Variants in PLXNC1 observed in about 807,000 individuals in gnomAD.
PLXNC1 encodes plexin-C1.
In PLXNC1, 75 loss-of-function variants were observed where a neutral mutation model predicts 178.2. The ratio of observed to expected loss-of-function variants is 0.42; its 90% CI spans 0.35 to 0.51. The LOEUF (loss-of-function observed/expected upper bound fraction) is 0.51. PLXNC1 is among the 20% of genes least tolerant of loss of function. The pLI is 0.02. For synonymous variants in PLXNC1, 790 were observed against 779.9 expected (o/e 1.01, Z -0.22); for missense variants, 1,503 against 1,984.4 (o/e 0.76, Z 4.61).
chr12:94,239,023 C>T (rs1475338182), intron 10 of PLXNC1, among the ~76,000 whole-genome samples: 1 of 152,192 alleles, frequency 6.6e-6, no homozygotes, highest in African/African-American at 2.4e-5. Context: ...GAAAGGCAAT[C>T]AACTTCATGG....
chr12:94,266,814 G>C (rs1965269933), intron 21 of PLXNC1, among the ~76,000 whole-genome samples: 1 of 152,254 alleles, frequency 6.6e-6, no homozygotes, highest in Non-Finnish European at 1.5e-5. Flanking sequence ...TGCCAGGCAT[G>C]TGAGTGCTAC....
intron 10 of PLXNC1, among the ~76,000 whole-genome samples, chr12:94,239,138 A>G (rs1156307129): frequency 6.6e-6 from 1 of 152,228 alleles, no homozygotes; most frequent in Non-Finnish European, 1.5e-5. Context: ...TTAAATGACT[A>G]GGAGACCTTT....
In PLXNC1 at chr12:94,149,269, C is replaced by G; in HGVS notation, c.298C>G (p.Arg100Gly). 1 of 1,528,988 alleles carries G rather than the reference C, an allele frequency of 6.5e-7. No homozygotes were observed. The highest frequency in any genetic ancestry group is 8.7e-7 in the Non-Finnish European group (1 of 1,147,216). The allele number at this position is 1,528,988 out of a possible 1,614,324, so 94.7% of individuals were successfully genotyped here. Residue 100 changes from arginine to glycine, a missense_variant, in exon 1 of 31, where the codon CGG (arginine) becomes GGG (glycine). By Grantham distance (125) the Arg-to-Gly change is moderately radical. Around this residue, in one of 4 missense-constraint regions of PLXNC1, gnomAD observed 176 missense variants for 180.7 expected, o/e 0.97. Transcript: ENST00000258526. ...PVSLAPPARPRPGSSFSKLLL... is the reference protein window; with the variant it reads ...PVSLAPPARPGPGSSFSKLLL... ...CTCGCTGGCGCCCCCCGCGCGGCCC[C>G]GGCCCGGGAGCAGCTTCAGCAAGCT... is the stretch of plus-strand genomic sequence containing the variant.
intron 11 of PLXNC1, among the ~76,000 whole-genome samples, chr12:94,241,437 C>T (rs1397714472): frequency 6.6e-6 from 1 of 152,158 alleles, no homozygotes; most frequent in Non-Finnish European, 1.5e-5. Context: ...TACTATGCTA[C>T]TGAACACTAG....
intron 20 of PLXNC1, among the ~76,000 whole-genome samples, chr12:94,264,393 C>T (rs988322394): frequency 3.3e-5 from 5 of 152,138 alleles, no homozygotes; most frequent in African/African-American, 4.8e-5. Context: ...GGAGAAAAAC[C>T]TTAGAGGAAA....
chr12:94,201,795 G>T, intron 4 of PLXNC1, among the ~76,000 whole-genome samples: 1 of 104,832 alleles, frequency 9.5e-6, no homozygotes, highest in Admixed American at 1.5e-4. Context: ...TTGAGACAGA[G>T]TCTTGCTCTG....
At chr12:94,258,029 A>C (rs1964902582) in intron 17 of PLXNC1, among the ~76,000 whole-genome samples, 1 of 152,096 alleles carries the variant, frequency 6.6e-6, no homozygotes, top group South Asian at 2.1e-4. Context: ...GTCTCAAAAA[A>C]AAATAAAGAA....
chr12:94,298,109 C>T (rs1246488247), intron 26 of PLXNC1, among the ~76,000 whole-genome samples: 3 of 152,196 alleles, frequency 2.0e-5, no homozygotes, highest in East Asian at 3.8e-4. Context: ...GTTTAGTGGG[C>T]AGAGGACAGC....
In PLXNC1 at chr12:94,231,550, G is replaced by T. The variant is rs538711179; in HGVS notation, c.1980+4315G>T. Among the ~76,000 whole-genome samples the T allele has an allele frequency of 2.6e-5, 4 of 152,208 alleles. No homozygotes were observed. In the South Asian group the frequency reaches 8.3e-4, roughly 32 times the overall value. On this transcript the variant is annotated intron_variant, in intron 9 of 30. Coordinates refer to ENST00000258526, the MANE Select transcript of PLXNC1 (RefSeq NM_005761.3). ...CTGGTACTTATGAGGTAGGGTCCTGGTTCAGTCCCTACTAGGCCAGTAGCC... is the reference window on the plus strand; with the variant it reads ...CTGGTACTTATGAGGTAGGGTCCTGTTTCAGTCCCTACTAGGCCAGTAGCC...
chr12:94,278,326 T>C (rs1463229470), intron 21 of PLXNC1, among the ~76,000 whole-genome samples: 1 of 152,262 alleles, frequency 6.6e-6, no homozygotes, highest in African/African-American at 2.4e-5. Context: ...TACTCTTGGC[T>C]CTTCCCTGAA....
At chr12:94,296,888 TAGG>T (rs1487941695) in intron 24 of PLXNC1, among the ~76,000 whole-genome samples, 2 of 152,110 alleles carry the variant, frequency 1.3e-5, no homozygotes, top group African/African-American at 4.8e-5. Context: ...CCCTGGCACA[TAGG>T]AGGTGTTCTA....
intron 23 of PLXNC1, 26 bp from the exon 24 acceptor site, chr12:94,294,460 C>T (rs1408888559): frequency 9.3e-7 from 1 of 1,074,188 alleles, no homozygotes; most frequent in Non-Finnish European, 1.4e-6. Flanking sequence ...TTTGAACACT[C>T]ATATATCTTT....
intron 9 of PLXNC1, among the ~76,000 whole-genome samples, chr12:94,232,364 C>CA: frequency 6.6e-6 from 1 of 152,216 alleles, no homozygotes; most frequent in Non-Finnish European, 1.5e-5. Context: ...GCTGGGATTA[C>CA]AGGCATGAGC....
intron 28 of PLXNC1, among the ~76,000 whole-genome samples, chr12:94,303,048 T>C (rs1215612660): frequency 6.6e-6 from 1 of 152,234 alleles, no homozygotes; most frequent in Admixed American, 6.5e-5. Flanking sequence ...TTAACTTACC[T>C]ATCTTCCCTG....
At position 94,294,080 on chromosome 12, in the gene PLXNC1, A is replaced by G. The variant is rs187634366; in HGVS notation, c.3880-406A>G. 4.3e-3 allele frequency among the ~76,000 whole-genome samples: 654 copies of G among 152,310 alleles called. 1 individual carries two copies. The highest frequency in any genetic ancestry group is 7.6e-3 in the Non-Finnish European group (514 of 68,018). On this transcript the variant is annotated intron_variant, in intron 23 of 30. Coordinates refer to ENST00000258526, the MANE Select transcript of PLXNC1 (RefSeq NM_005761.3). The stretch of plus-strand genomic sequence containing the variant: ...CACAAACATTCAGTCCATAGCAAGT[A>G]ACAATTTTTTAACCTCAAAAAATGA...
intron 20 of PLXNC1, among the ~76,000 whole-genome samples, chr12:94,263,006 G>C (rs934641981): frequency 5.9e-5 from 9 of 152,156 alleles, no homozygotes; most frequent in African/African-American, 2.2e-4. Context: ...AGAGCTCTTA[G>C]CCACCGCCCT....
At chr12:94,283,950 G>A (rs1284275069) in intron 23 of PLXNC1, among the ~76,000 whole-genome samples, 4 of 152,108 alleles carry the variant, frequency 2.6e-5, no homozygotes, top group African/African-American at 9.7e-5. Context: ...GGGCATGGTG[G>A]TGCACATCTG....
intron 21 of PLXNC1, among the ~76,000 whole-genome samples, chr12:94,267,684 C>T (rs574921055): frequency 8.5e-5 from 13 of 152,110 alleles, no homozygotes; most frequent in Non-Finnish European, 1.3e-4. Flanking sequence ...GGCAGTTGTA[C>T]GAGAAGCTGC....
chr12:94,234,783 A>G lies in PLXNC1; in HGVS notation c.1981-2881A>G, dbSNP rs372403321. Among the ~76,000 whole-genome samples, 3 of 152,234 alleles carry G rather than the reference A, an allele frequency of 2.0e-5. No individual in the cohort carries two copies. The East Asian group carries it at 5.8e-4, about 29-fold the overall frequency. On this transcript the variant is annotated intron_variant, in intron 9 of 30. Coordinates refer to ENST00000258526, the MANE Select transcript of PLXNC1 (RefSeq NM_005761.3). Reference sequence around the variant, plus strand: ...ATAAGCTTATAGGGCTGGCTACTATATGCCAGGTTTTATGAATTAACTCTT... The same window carrying G: ...ATAAGCTTATAGGGCTGGCTACTATGTGCCAGGTTTTATGAATTAACTCTT...
Sources: gnomAD v4.1 joint callset for allele counts (sites outside exome capture counted in the v4.1 genomes callset) on GRCh38, gnomAD v4.1.1 for gene constraint, gnomAD v4.1.1 regional missense constraint, MANE v1.5 for transcripts, NCBI Gene and HGNC (gene_info 2026-07-23, HGNC 2026-07-21) for gene names.